Variants in SCFD2 observed in about 807,000 individuals in gnomAD.
The protein encoded by SCFD2 is sec1 family domain-containing protein 2.
In SCFD2, 54 loss-of-function variants were observed where a neutral mutation model predicts 58.9. The observed-to-expected ratio is 0.92, with a 90% confidence interval of 0.74 to 1.15. The LOEUF (loss-of-function observed/expected upper bound fraction) is 1.15. Ranked by LOEUF, SCFD2 falls within the 50% of genes most tolerant of loss-of-function variation. The pLI is 0.00. For synonymous variants in SCFD2, 321 were observed against 335.9 expected, an observed-to-expected ratio of 0.96 and a Z score of 0.49; for missense variants, 805 against 836.6, an observed-to-expected ratio of 0.96 and a Z score of 0.47.
intron 4 of SCFD2, among the ~76,000 whole-genome samples, chr4:53,222,575 G>C (rs11736905): frequency 0.031 from 4,775 of 152,120 alleles, 123 homozygotes; most frequent in East Asian, 0.07. Context: ...AACAAGACGG[G>C]ACTTCAACAC....
intron 6 of SCFD2, 104 bp from the exon 7 acceptor site, chr4:52,907,695 G>T (rs989096260): frequency 1.0e-6 from 1 of 1,004,210 alleles, no homozygotes; most frequent in Non-Finnish European, 1.5e-6. Flanking sequence ...TTTTGATACT[G>T]AGCAATGCCT....
chr4:53,165,302 C>A (rs1726973902), intron 4 of SCFD2, among the ~76,000 whole-genome samples: 1 of 152,124 alleles, frequency 6.6e-6, no homozygotes, highest in Non-Finnish European at 1.5e-5. Flanking sequence ...TGTATACTTG[C>A]ATAAATTTTG....
chr4:53,094,250 C>T lies in SCFD2; in HGVS notation c.1561+51083G>A, dbSNP rs142623453. 1.3e-3 allele frequency among the ~76,000 whole-genome samples: 194 copies of T among 152,232 alleles called. No individual in the cohort carries two copies. In the Middle Eastern group the frequency reaches 0.014, roughly 11 times the overall value. On this transcript the variant is annotated intron_variant, in intron 5 of 8. Transcript: ENST00000401642. ...TTATGTGGCTTGTATTAGTTTGCTACGGATGCCATAACAAATATCACAGAC... is the reference window on the plus strand; with the variant it reads ...TTATGTGGCTTGTATTAGTTTGCTATGGATGCCATAACAAATATCACAGAC...
At chr4:53,232,858 T>C (rs1452108890) in intron 4 of SCFD2, among the ~76,000 whole-genome samples, 4 of 152,174 alleles carry the variant, frequency 2.6e-5, no homozygotes, top group African/African-American at 9.6e-5. Context: ...ACTTCTGCTG[T>C]GAGTCCTTTA....
chr4:52,972,363 A>G (rs1721128378), intron 5 of SCFD2, among the ~76,000 whole-genome samples: 1 of 152,206 alleles, frequency 6.6e-6, no homozygotes, highest in African/African-American at 2.4e-5. Context: ...CAAGGGTTGC[A>G]ATCCTAGTCT....
At chr4:53,016,635 C>T (rs1371475543) in intron 5 of SCFD2, among the ~76,000 whole-genome samples, 1 of 152,110 alleles carries the variant, frequency 6.6e-6, no homozygotes, top group Non-Finnish European at 1.5e-5. Flanking sequence ...ATAAATGACT[C>T]GTGCTACAGA....
At chr4:53,094,479 C>T (rs531043912) in intron 5 of SCFD2, among the ~76,000 whole-genome samples, 3 of 152,112 alleles carry the variant, frequency 2.0e-5, no homozygotes, top group South Asian at 2.1e-4. Flanking sequence ...ATTGGATTAT[C>T]GCCCACCTAA....
intron 4 of SCFD2, among the ~76,000 whole-genome samples, chr4:53,197,747 CAAAA>C (rs10717880): frequency 5.2e-5 from 5 of 96,608 alleles, no homozygotes; most frequent in Non-Finnish European, 8.4e-5. Flanking sequence ...TAGAAGATGG[CAAAA>C]AAAAAAAAAA....
intron 4 of SCFD2, among the ~76,000 whole-genome samples, chr4:53,261,539 C>T (rs1289588477): frequency 6.6e-6 from 1 of 152,058 alleles, no homozygotes; most frequent in Non-Finnish European, 1.5e-5. Flanking sequence ...TTTGAGGGTT[C>T]CTTTTGGAGT....
chr4:52,920,790 C>A lies in SCFD2; in HGVS notation c.1642G>T (p.Ala548Ser). Reference protein sequence around the residue: ...DELFTSLRDIAGARSLLKQFK... With the variant: ...DELFTSLRDISGARSLLKQFK... ...TGTTTCAGGAGACTCCGAGCTCCAG[C>A]AATATCCCGAAGTGAAGTAAAGAGT... The change falls in exon 6 of 9, where the codon GCT (alanine) becomes TCT (serine). Residue 548 changes from alanine (A) to serine (S), a missense_variant. This residue lies in a region of SCFD2 where 633 missense variants were observed against 646.8 expected (regional missense o/e 0.98). Coordinates refer to ENST00000401642, the MANE Select transcript of SCFD2 (RefSeq NM_152540.4). The A allele has an allele frequency of 6.2e-7, 1 of 1,611,514 alleles. No homozygotes were observed. Among genetic ancestry groups the A allele is most frequent in the South Asian group, 1.1e-5 (1 of 90,922 alleles).
intron 3 of SCFD2, among the ~76,000 whole-genome samples, chr4:53,283,521 G>A (rs1194968535): frequency 6.6e-6 from 1 of 152,086 alleles, no homozygotes; most frequent in African/African-American, 2.4e-5. Flanking sequence ...ACTTGATACT[G>A]TCAGTTTTCC....
chr4:53,294,353 G>GTA (rs1464461904), intron 3 of SCFD2, among the ~76,000 whole-genome samples: 2 of 152,146 alleles, frequency 1.3e-5, no homozygotes, highest in Non-Finnish European at 2.9e-5. Flanking sequence ...GCATGAGATG[G>GTA]TACATCATTG....
rs148207543 is a variant in SCFD2, at chr4:53,192,930, A to C, written c.1312-47348T>G. On this transcript the variant is annotated intron_variant, in intron 4 of 8. Transcript: ENST00000401642. The stretch of plus-strand genomic sequence containing the variant: ...TTACACCAAGAAGGTTTGATTATCT[A>C]TACATGGTTAATGGCACAAAAGAAA... Among the ~76,000 whole-genome samples the C allele has an allele frequency of 3.5e-3, 531 of 152,338 alleles. 4 individuals carry two copies. Among genetic ancestry groups the C allele is most frequent in the Middle Eastern group, 0.01 (3 of 294 alleles).
chr4:53,329,544 A>G (rs1733352133), intron 2 of SCFD2, among the ~76,000 whole-genome samples: 1 of 149,724 alleles, frequency 6.7e-6, no homozygotes, highest in Non-Finnish European at 1.5e-5. Flanking sequence ...CCTGTCTGTT[A>G]GAAGGAAAAC....
chr4:53,193,855 T>C (rs1727983271), intron 4 of SCFD2, among the ~76,000 whole-genome samples: 1 of 152,296 alleles, frequency 6.6e-6, no homozygotes, highest in South Asian at 2.1e-4. Context: ...TAGGACAGAA[T>C]AATTTACAAT....
intron 4 of SCFD2, among the ~76,000 whole-genome samples, chr4:53,255,405 G>A (rs1730575479): frequency 6.6e-6 from 1 of 151,992 alleles, no homozygotes; most frequent in African/African-American, 2.4e-5. Context: ...TTGGGGAGTG[G>A]TGATGACTCT....
intron 4 of SCFD2, among the ~76,000 whole-genome samples, chr4:53,239,211 G>T (rs1389645520): frequency 6.9e-6 from 1 of 144,114 alleles, no homozygotes; most frequent in Non-Finnish European, 1.5e-5. Flanking sequence ...CCAGTCAGGC[G>T]TGGCGGCGCG....
intron 4 of SCFD2, among the ~76,000 whole-genome samples, chr4:53,236,667 G>T (rs1187598881): frequency 6.7e-6 from 1 of 149,836 alleles, no homozygotes; most frequent in Non-Finnish European, 1.5e-5. Context: ...TAATCAAAAT[G>T]AGTTCTATGC....
intron 2 of SCFD2, among the ~76,000 whole-genome samples, chr4:53,344,889 T>C (rs998522932): frequency 2.6e-5 from 4 of 152,182 alleles, no homozygotes; most frequent in African/African-American, 7.2e-5. Context: ...GATAAGTGAC[T>C]AGCCACATGT....
Sources: gnomAD v4.1 joint callset for allele counts (sites outside exome capture counted in the v4.1 genomes callset) on GRCh38, gnomAD v4.1.1 for gene constraint, gnomAD v4.1.1 regional missense constraint, MANE v1.5 for transcripts, NCBI Gene and HGNC (gene_info 2026-07-23, HGNC 2026-07-21) for gene names.